The following CCSER1 variants were observed in gnomAD, a reference collection of about 807,000 sequenced individuals.
The protein encoded by CCSER1 is coiled-coil serine rich protein 1.
CCSER1 carries 41 observed loss-of-function variants against 82.0 expected under a neutral mutation model. The ratio of observed to expected loss-of-function variants is 0.50; its 90% CI spans 0.39 to 0.65. The LOEUF is 0.65. Among genes scored for constraint, CCSER1 ranks in the 30% least tolerant of loss-of-function variants. The pLI, the probability that CCSER1 is intolerant of heterozygous loss-of-function variation, is 0.00. For missense variants in CCSER1, 1,119 were observed against 1,064.2 expected, an observed-to-expected ratio of 1.05 and a Z score of -0.72; for synonymous variants, 414 against 383.9, an observed-to-expected ratio of 1.08 and a Z score of -0.92.
At chr4:90,812,369 A>C (rs1476509745) in intron 7 of CCSER1, among the ~76,000 whole-genome samples, 1 of 152,168 alleles carries the variant, frequency 6.6e-6, no homozygotes, top group Non-Finnish European at 1.5e-5. Flanking sequence ...AATGAATTTG[A>C]TACTCAGTAT....
intron 7 of CCSER1, among the ~76,000 whole-genome samples, chr4:90,732,027 TTCTCTCTCTCTC>T (rs76331329): frequency 3.1e-5 from 4 of 131,136 alleles, no homozygotes; most frequent in African/African-American, 9.7e-5. Context: ...CTATTGGGAT[TTCTCTCTCTCTC>T]TCTCTCTCTC....
rs778829688 is a variant in CCSER1 at position 91,159,406 on chromosome 4, C to T, written c.2217+73412C>T. ...CCTATATTCTTGTCATAGTGTTTTC[C>T]GATAAAAATATCTCCAAAAATTAGA... On this transcript the variant is annotated intron_variant, in intron 10 of 10. Transcript: ENST00000509176. 2.1e-4 allele frequency among the ~76,000 whole-genome samples: 32 copies of T among 151,580 alleles called. 1 individual carries two copies. The highest frequency in any genetic ancestry group is 3.9e-4 in the East Asian group (2 of 5,176).
At chr4:91,526,882 T>C (rs1760793703) in intron 10 of CCSER1, among the ~76,000 whole-genome samples, 1 of 152,150 alleles carries the variant, frequency 6.6e-6, no homozygotes. Context: ...CGTGGGCCAC[T>C]GTGCCTGGCC....
chr4:91,329,666 G>A (rs959397467), intron 10 of CCSER1, among the ~76,000 whole-genome samples: 11 of 152,152 alleles, frequency 7.2e-5, no homozygotes, highest in Admixed American at 3.9e-4. Flanking sequence ...ACATGGCAGT[G>A]TCTAAGTCAT....
At chr4:90,874,706 T>C (rs1053140066) in intron 8 of CCSER1, among the ~76,000 whole-genome samples, 4 of 152,194 alleles carry the variant, frequency 2.6e-5, no homozygotes, top group Non-Finnish European at 4.4e-5. Context: ...TGTTTTCTTC[T>C]CCTTGCTCAT....
intron 9 of CCSER1, among the ~76,000 whole-genome samples, chr4:91,075,970 C>G (rs1465730314): frequency 2.0e-5 from 3 of 152,118 alleles, no homozygotes; most frequent in African/African-American, 7.2e-5. Context: ...ATTCAAGCCA[C>G]CTGACCTTCC....
At chr4:90,737,737 A>G (rs903934833) in intron 7 of CCSER1, among the ~76,000 whole-genome samples, 3 of 152,030 alleles carry the variant, frequency 2.0e-5, no homozygotes, top group Admixed American at 6.6e-5. Context: ...TAATGCTTAG[A>G]TTTGCCCCAT....
rs1448161796 is a variant in CCSER1, at chr4:91,601,536, A to G, written c.*2479A>G. 2 of 152,046 alleles carry G rather than the reference A, an allele frequency of 1.3e-5. No homozygotes were observed. The highest frequency in any genetic ancestry group is 3.9e-4 in the East Asian group (2 of 5,180). 9.4% of individuals were successfully genotyped at this position (152,046 alleles called of 1,614,324 possible). ...TTGTGTATATATAGTAACTTATAACAATGGCATGTGGGCATTCTTTCAGTG... is the reference window on the plus strand; with the variant it reads ...TTGTGTATATATAGTAACTTATAACGATGGCATGTGGGCATTCTTTCAGTG... On this transcript the variant is annotated 3_prime_UTR_variant, in exon 11 of 11. Coordinates refer to ENST00000509176, the MANE Select transcript of CCSER1 (RefSeq NM_001145065.2).
Position 90,409,433 on chromosome 4 carries a change from C to T in CCSER1, c.1603+9304C>T, listed in dbSNP as rs1405076631. Among the ~76,000 whole-genome samples the T allele has an allele frequency of 1.4e-4, 21 of 152,246 alleles. No individual in the cohort carries two copies. The East Asian group carries it at 1.7e-3, about 13-fold the overall frequency. On this transcript the variant is annotated intron_variant, in intron 4 of 10. Coordinates refer to ENST00000509176, the MANE Select transcript of CCSER1 (RefSeq NM_001145065.2). ...CCCATCAGACTAAAAGCTGATCTCT[C>T]GGCAGAAACTCTACAAGCCAGAAGA... is the stretch of plus-strand genomic sequence containing the variant.
At chr4:90,786,614 G>T (rs953130026) in intron 7 of CCSER1, among the ~76,000 whole-genome samples, 1 of 152,092 alleles carries the variant, frequency 6.6e-6, no homozygotes, top group South Asian at 2.1e-4. Flanking sequence ...CAAACAAAGT[G>T]TATTTTCCAT....
intron 10 of CCSER1, among the ~76,000 whole-genome samples, chr4:91,406,317 A>T (rs1578381361): frequency 6.6e-6 from 1 of 152,208 alleles, no homozygotes; most frequent in East Asian, 1.9e-4. Context: ...TTAAGAAGTC[A>T]AACAGCAGGG....
intron 7 of CCSER1, among the ~76,000 whole-genome samples, chr4:90,797,952 T>A: frequency 6.6e-6 from 1 of 152,138 alleles, no homozygotes; most frequent in East Asian, 1.9e-4. Context: ...TTATGTCTGT[T>A]GGGGATGATC....
chr4:90,837,739 A>C (rs1761990488), intron 8 of CCSER1, among the ~76,000 whole-genome samples: 2 of 152,278 alleles, frequency 1.3e-5, no homozygotes, highest in East Asian at 3.9e-4. Context: ...TGAGATGCCC[A>C]TGGGACATCT....
chr4:90,490,639 G>A (rs1338254791), intron 5 of CCSER1, among the ~76,000 whole-genome samples: 1 of 152,058 alleles, frequency 6.6e-6, no homozygotes, highest in Non-Finnish European at 1.5e-5. Context: ...TTCTTGTAGG[G>A]ATTTTATGGT....
At chr4:91,447,389 C>T (rs1755627779) in intron 10 of CCSER1, among the ~76,000 whole-genome samples, 2 of 49,044 alleles carry the variant, frequency 4.1e-5, no homozygotes, top group Admixed American at 3.2e-4. Context: ...TTACACTCCC[C>T]CCTAAACCTG....
chr4:90,445,527 G>C (rs1760529689), intron 4 of CCSER1, among the ~76,000 whole-genome samples: 2 of 152,100 alleles, frequency 1.3e-5, no homozygotes, highest in South Asian at 2.1e-4. Context: ...GTAAAATGTA[G>C]ACATAACTTC....
intron 10 of CCSER1, among the ~76,000 whole-genome samples, chr4:91,339,582 G>T (rs1362084645): frequency 6.6e-6 from 1 of 152,112 alleles, no homozygotes; most frequent in Non-Finnish European, 1.5e-5. Context: ...ATGGTAACAA[G>T]ATGGCAGCAT....
intron 10 of CCSER1, among the ~76,000 whole-genome samples, chr4:91,423,429 TA>T (rs1050784897): frequency 4.4e-4 from 63 of 144,298 alleles, no homozygotes; most frequent in Non-Finnish European, 5.3e-4. Context: ...AAACTCCGTC[TA>T]AAAAAAAAAA....
At chr4:91,391,564 G>A (rs527902905) in intron 10 of CCSER1, among the ~76,000 whole-genome samples, 1 of 152,250 alleles carries the variant, frequency 6.6e-6, no homozygotes, top group South Asian at 2.1e-4. Flanking sequence ...TCCTCCCAAA[G>A]TGCTGAGATT....
Sources: allele counts gnomAD v4.1 joint callset (sites outside exome capture counted in the v4.1 genomes callset), GRCh38; gene constraint gnomAD v4.1.1; transcripts MANE v1.5; gene names NCBI Gene and HGNC (gene_info 2026-07-23, HGNC 2026-07-21).